Variants in WDR19 observed in about 807,000 individuals in gnomAD.
WDR19 encodes the protein WD repeat-containing protein 19.
WDR19 carries 121 observed loss-of-function variants against 180.0 expected under a neutral mutation model. The observed-to-expected ratio is 0.67, with a 90% confidence interval of 0.58 to 0.78. WDR19 has a LOEUF of 0.78. Ranked by LOEUF, WDR19 falls within the 30% of genes least tolerant of loss-of-function variation. The pLI is 0.00. For missense variants in WDR19, 1,450 were observed against 1,640.7 expected (o/e 0.88, Z 2.01); for synonymous variants, 497 against 540.7 (o/e 0.92, Z 1.12).
chr4:39,192,343 A>G (rs1208597515), intron 4 of WDR19, among the ~76,000 whole-genome samples: 1 of 152,242 alleles, frequency 6.6e-6, no homozygotes, highest in African/African-American at 2.4e-5. Context: ...ATGAGGGAAC[A>G]TAGAGAGGTT....
In WDR19 at chr4:39,274,754, T is replaced by C. The variant is rs879157038; in HGVS notation, c.3566-54T>C. Reference sequence around the variant, plus strand: ...GAACCAGGGTGGAATCCCGCCTGTATCACTGAGGACAGCAGACACTGTGCT... The same window carrying C: ...GAACCAGGGTGGAATCCCGCCTGTACCACTGAGGACAGCAGACACTGTGCT... On this transcript the variant is annotated intron_variant, in intron 32 of 36. Transcript: ENST00000399820. The C allele has an allele frequency of 7.6e-6, 12 of 1,586,938 alleles. No individual in the cohort carries two copies. In the South Asian group the frequency reaches 9.0e-5, roughly 12 times the overall value.
intron 36 of WDR19, among the ~76,000 whole-genome samples, chr4:39,283,527 CATTT>C (rs1424312125): frequency 6.6e-6 from 1 of 151,472 alleles, no homozygotes; most frequent in African/African-American, 2.4e-5. Flanking sequence ...TTTCGTATTT[CATTT>C]GATTCTTCTA....
chr4:39,231,524 AAG>A (rs1730859215), intron 17 of WDR19, among the ~76,000 whole-genome samples: 1 of 152,230 alleles, frequency 6.6e-6, no homozygotes, highest in African/African-American at 2.4e-5. Context: ...GTGAAATAAA[AAG>A]AAATAAATGA....
intron 28 of WDR19, among the ~76,000 whole-genome samples, chr4:39,258,175 CAG>C (rs1278696891): frequency 6.6e-6 from 1 of 150,656 alleles, no homozygotes; most frequent in South Asian, 2.1e-4. Flanking sequence ...TTTTTTGAGA[CAG>C]AGTTTCGCTC....
rs747675620 is a variant in WDR19 at position 39,217,183 on chromosome 4, T to C, written c.1299T>C (p.Ile433=). ...DMEYLGTVAS[I]CLHSDYAAAL... ...AGTATCTGGGAACAGTAGCCAGTAT[T>C]TGCCTTCATTCTGACTATGCTGCTG... Residue 433 remains isoleucine, a synonymous_variant, in exon 13 of 37, where the codon ATT becomes ATC. Transcript: ENST00000399820. 9 of 1,609,222 alleles carry C rather than the reference T, an allele frequency of 5.6e-6. No individual in the cohort carries two copies. Among genetic ancestry groups the C allele is most frequent in the Non-Finnish European group, 7.6e-6 (9 of 1,177,884 alleles).
chr4:39,267,950 T>A (rs1409435905), intron 29 of WDR19, 45 bp from the exon 30 acceptor site: 10 of 1,531,284 alleles, frequency 6.5e-6, no homozygotes, highest in African/African-American at 1.4e-5. Flanking sequence ...AATCTCCCCT[T>A]AGCTAATGAA....
At chr4:39,248,179 G>A (rs1367828753) in intron 24 of WDR19, among the ~76,000 whole-genome samples, 1 of 152,252 alleles carries the variant, frequency 6.6e-6, no homozygotes, top group African/African-American at 2.4e-5. Context: ...CAAGCCAGAA[G>A]AGAGTGGGGG....
Position 39,205,653 on chromosome 4 carries a change from T to C in WDR19, c.807T>C (p.Phe269=). 6.2e-7 allele frequency: 1 copy of C among 1,612,640 alleles called. No homozygotes were observed. The highest frequency in any genetic ancestry group is 8.5e-7 in the Non-Finnish European group (1 of 1,179,268). ...THTGELGQEI[F]QARNHKDNLT... ...CTGGAGAGCTTGGTCAAGAGATATT[T>C]CAGGCTCGTAACCATAAAGATAATC... Residue 269 remains phenylalanine, a synonymous_variant, in exon 9 of 37, where the codon TTT becomes TTC. Transcript: ENST00000399820.
chr4:39,257,604 C>G, intron 28 of WDR19, 50 bp downstream of exon 28: 1 of 1,519,910 alleles, frequency 6.6e-7, no homozygotes, highest in Non-Finnish European at 8.9e-7. Context: ...TTTTAAAAAA[C>G]TTCTTGAAAA....
chr4:39,240,286 T>C lies in WDR19; in HGVS notation c.2373T>C (p.Tyr791=), dbSNP rs781657795. The C allele has an allele frequency of 7.1e-7, 1 of 1,412,142 alleles. No homozygotes were observed. Among genetic ancestry groups the C allele is most frequent in the Non-Finnish European group, 9.3e-7 (1 of 1,079,508 alleles). The allele number at this position is 1,412,142 out of a possible 1,614,324, so 87.5% of individuals were successfully genotyped here. A position where few individuals can be genotyped will look rare whatever the true frequency, so the allele number is the denominator to read the frequency against. The stretch of plus-strand genomic sequence containing the variant: ...CTTATTTTTTTTTCAGGGGTGATTA[T>C]GTAAATGCTTTGGCTCATTATGAGA... ...YAIQLEFAGD[Y]VNALAHYEKG... The change falls in exon 21 of 37, where the codon TAT becomes TAC. Residue 791 remains tyrosine, a synonymous_variant. Transcript: ENST00000399820.
At chr4:39,278,286 C>T in intron 35 of WDR19, 79 bp downstream of exon 35, 3 of 1,362,252 alleles carry the variant, frequency 2.2e-6, no homozygotes, top group Non-Finnish European at 3.0e-6. Flanking sequence ...TCTTCCGAAG[C>T]ATTCTTCTAT....
rs1157662213 is a variant in WDR19 at position 39,216,090 on chromosome 4, T to C, written c.1135-6T>C. Reference sequence around the variant, plus strand: ...CGTTGATTTATTACTATTTTCTTTATTATAGGAGCTACCAATCACAGTTTC... The same window carrying C: ...CGTTGATTTATTACTATTTTCTTTACTATAGGAGCTACCAATCACAGTTTC... On this transcript the variant is annotated splice_polypyrimidine_tract_variant and splice_region_variant and intron_variant, in intron 11 of 36. Coordinates refer to ENST00000399820, the MANE Select transcript of WDR19 (RefSeq NM_025132.4). The C allele has an allele frequency of 6.4e-7, 1 of 1,567,154 alleles. No homozygotes were observed. The highest frequency in any genetic ancestry group is 2.3e-5 in the East Asian group (1 of 42,566).
At chr4:39,190,564 A>T (rs1020805089) in intron 4 of WDR19, among the ~76,000 whole-genome samples, 3 of 152,178 alleles carry the variant, frequency 2.0e-5, no homozygotes, top group African/African-American at 7.2e-5. Context: ...TGTACCCCTC[A>T]TGTGGGGAGG....
At chr4:39,198,373 A>G (rs1254171056) in intron 5 of WDR19, among the ~76,000 whole-genome samples, 2 of 151,576 alleles carry the variant, frequency 1.3e-5, no homozygotes, top group South Asian at 2.1e-4. Flanking sequence ...CCTGGCTAAC[A>G]TGGTGAAACC....
intron 4 of WDR19, among the ~76,000 whole-genome samples, chr4:39,194,054 G>A (rs1726459274): frequency 1.3e-5 from 2 of 152,142 alleles, no homozygotes; most frequent in African/African-American, 2.4e-5. Context: ...ACTGGTGGTG[G>A]GCAAAAGTGT....
intron 9 of WDR19, among the ~76,000 whole-genome samples, chr4:39,207,647 G>T (rs933093505): frequency 3.9e-5 from 6 of 152,186 alleles, no homozygotes; most frequent in African/African-American, 1.4e-4. Context: ...TCTTTATCCG[G>T]TGACAATGTA....
chr4:39,196,460 TC>T (rs2109271036), intron 5 of WDR19, among the ~76,000 whole-genome samples: 1 of 152,310 alleles, frequency 6.6e-6, no homozygotes, highest in South Asian at 2.1e-4. Context: ...TTTAGGGCCA[TC>T]CTTGACTCTT....
chr4:39,271,698 G>A (rs780312691), intron 31 of WDR19, among the ~76,000 whole-genome samples: 1 of 151,936 alleles, frequency 6.6e-6, no homozygotes, highest in African/African-American at 2.4e-5. Context: ...CATTTATGTC[G>A]CAGTACATCT....
chr4:39,214,754 A>G, intron 10 of WDR19, 83 bp downstream of exon 10: 1 of 870,948 alleles, frequency 1.1e-6, no homozygotes, highest in Non-Finnish European at 1.8e-6. Context: ...TGTGATTTGC[A>G]TTCGTTGTAG....
Sources: gnomAD v4.1 joint callset for allele counts (sites outside exome capture counted in the v4.1 genomes callset) on GRCh38, gnomAD v4.1.1 for gene constraint, MANE v1.5 for transcripts, NCBI Gene and HGNC (gene_info 2026-07-23, HGNC 2026-07-21) for gene names.